CASK: variants seen among roughly 807,000 people sequenced by gnomAD.
CASK encodes peripheral plasma membrane protein CASK.
CASK carries 4 observed loss-of-function variants against 82.9 expected under a neutral mutation model. The observed-to-expected ratio is 0.05, with a 90% CI of 0.02 to 0.11. The LOEUF is 0.11. CASK is among the 10% of genes least tolerant of loss of function. The pLI is 1.00. For missense variants in CASK, 358 were observed against 720.9 expected (o/e 0.50, Z 5.76); for synonymous variants, 259 against 253.5 (o/e 1.02, Z -0.20).
chrX:41,534,356 G>A (rs2064845368), intron 24 of CASK, among the ~76,000 whole-genome samples: 1 of 106,507 alleles, frequency 9.4e-6, no homozygotes, highest in Non-Finnish European at 1.9e-5. Context: ...TAGAAAAATT[G>A]TTACAAACAG....
At chrX:41,571,024 G>A (rs910108841) in intron 15 of CASK, 1 of 111,964 alleles carries the variant, frequency 8.9e-6, no homozygotes, top group South Asian at 3.7e-4. Context: ...CTGCTGAAGT[G>A]AGAACATATT....
At chrX:41,681,679 A>G (rs1161259348) in intron 5 of CASK, among the ~76,000 whole-genome samples, 1 of 111,743 alleles carries the variant, frequency 8.9e-6, no homozygotes, top group Non-Finnish European at 1.9e-5. Flanking sequence ...GAAACAGAGG[A>G]AAGTCATGAC....
chrX:41,896,429 T>C lies in CASK; in HGVS notation c.59+26501A>G, dbSNP rs1029543385. Among the ~76,000 whole-genome samples, 57 of 112,249 alleles carry C rather than the reference T, an allele frequency of 5.1e-4. 1 individual carries two copies. Among genetic ancestry groups the C allele is most frequent in the Non-Finnish European group, 9.2e-4 (49 of 53,158 alleles). ...AAAAAAGAAAATAAGAGAAAACAGA[T>C]AATATAGGGAAAAGACAATGTTAAT... is the stretch of plus-strand genomic sequence containing the variant. On this transcript the variant is annotated intron_variant, in intron 1 of 26. Transcript: ENST00000378163.
chrX:41,750,427 C>T (rs1449928884), intron 3 of CASK, among the ~76,000 whole-genome samples: 1 of 111,504 alleles, frequency 9.0e-6, no homozygotes, highest in African/African-American at 3.3e-5. Flanking sequence ...TCTTGGGGTG[C>T]TTCTGGGGCT....
chrX:41,576,154 T>C (rs186704742), intron 15 of CASK, among the ~76,000 whole-genome samples: 3 of 109,504 alleles, frequency 2.7e-5, no homozygotes, highest in Non-Finnish European at 5.7e-5. Context: ...TTTGTATTTT[T>C]AGTAGAGATG....
chrX:41,635,079 C>T (rs1347960860), intron 9 of CASK, among the ~76,000 whole-genome samples: 8 of 111,954 alleles, frequency 7.1e-5, no homozygotes, highest in Non-Finnish European at 1.5e-4. Context: ...ATGGAAATGT[C>T]CCAAGCTACA....
chrX:41,520,665 C>T, intron 26 of CASK, 69 bp from the exon 27 acceptor site: 1 of 917,075 alleles, frequency 1.1e-6, no homozygotes, highest in Non-Finnish European at 1.6e-6. Flanking sequence ...AGAGAGAAAT[C>T]AGTTGGATTC....
chrX:41,856,430 C>A (rs2071371496), intron 1 of CASK, among the ~76,000 whole-genome samples: 1 of 110,917 alleles, frequency 9.0e-6, no homozygotes, highest in Non-Finnish European at 1.9e-5. Context: ...ACTGTAGAAT[C>A]CCCAAGAAAC....
At chrX:41,666,484 T>A (rs1256055463) in intron 6 of CASK, among the ~76,000 whole-genome samples, 1 of 112,169 alleles carries the variant, frequency 8.9e-6, no homozygotes, top group Non-Finnish European at 1.9e-5. Context: ...ATTTTTAGTT[T>A]GAAGATTGTG....
At chrX:41,825,258 T>C (rs938503183) in intron 2 of CASK, among the ~76,000 whole-genome samples, 8 of 111,565 alleles carry the variant, frequency 7.2e-5, no homozygotes, top group African/African-American at 2.6e-4. Flanking sequence ...ATTAAATTAC[T>C]GTTTGGTTTC....
rs773287578 is a variant in CASK at position 41,735,220 on chromosome X, C to T, written c.429+4164G>A. The stretch of plus-strand genomic sequence containing the variant: ...AAATATTGCAATGCTCTTCTGTTTT[C>T]GTTATTAAATATAAGGAAAGAAAAC... On this transcript the variant is annotated intron_variant, in intron 5 of 26. Transcript: ENST00000378163. Among the ~76,000 whole-genome samples, 12 of 110,875 alleles carry T rather than the reference C, an allele frequency of 1.1e-4. No individual in the cohort carries two copies. The South Asian group carries it at 3.7e-3, about 35-fold the overall frequency.
intron 5 of CASK, among the ~76,000 whole-genome samples, chrX:41,707,002 A>G (rs1335607478): frequency 8.9e-6 from 1 of 112,217 alleles, no homozygotes; most frequent in Non-Finnish European, 1.9e-5. Flanking sequence ...CTAAAGAAAG[A>G]GCCAATTCAC....
Position 41,519,633 on chromosome X carries a change from A to G in CASK, c.*787T>C, listed in dbSNP as rs1052543620. 3 of 111,301 alleles carry G rather than the reference A, an allele frequency of 2.7e-5. No individual in the cohort carries two copies. Among genetic ancestry groups the G allele is most frequent in the African/African-American group, 9.8e-5 (3 of 30,602 alleles). The allele number at this position is 111,301 out of a possible 1,213,427, so 9.2% of individuals were successfully genotyped here. A position where few individuals can be genotyped will look rare whatever the true frequency, so the allele number is the denominator to read the frequency against. The stretch of plus-strand genomic sequence containing the variant: ...GTGCATAGGTTTACAACTTAGTCAT[A>G]ATAGCATTTTATTCTTATTCCCCTG... On this transcript the variant is annotated 3_prime_UTR_variant, in exon 27 of 27. Coordinates refer to ENST00000378163, the MANE Select transcript of CASK (RefSeq NM_001367721.1).
chrX:41,586,887 G>T lies in CASK; in HGVS notation c.1314+20C>A, dbSNP rs775147134. 5.9e-6 allele frequency: 6 copies of T among 1,024,789 alleles called. No individual in the cohort carries two copies. The East Asian group carries it at 1.8e-4, about 31-fold the overall frequency. 84.5% of individuals were successfully genotyped at this position (1,024,789 alleles called of 1,213,427 possible). ...TTGAAAGTGAGGTTTCAGTTCTATG[G>T]AAGTTTAATTATTACTTACCATGAA... is the stretch of plus-strand genomic sequence containing the variant. On this transcript the variant is annotated intron_variant, in intron 14 of 26. Coordinates refer to ENST00000378163, the MANE Select transcript of CASK (RefSeq NM_001367721.1).
intron 3 of CASK, among the ~76,000 whole-genome samples, chrX:41,755,798 GTTTC>G (rs1348899707): frequency 2.7e-5 from 3 of 111,947 alleles, no homozygotes; most frequent in African/African-American, 9.7e-5. Context: ...TTAAAAGAGT[GTTTC>G]TTTAAGAATG....
At chrX:41,773,740 A>G (rs1247186209) in intron 3 of CASK, among the ~76,000 whole-genome samples, 1 of 111,566 alleles carries the variant, frequency 9.0e-6, no homozygotes, top group Non-Finnish European at 1.9e-5. Context: ...ACTGTAATAC[A>G]TATTTGGGTA....
At chrX:41,559,339 C>A (rs1602260523) in intron 18 of CASK, 1 of 130,336 alleles carries the variant, frequency 7.7e-6, no homozygotes, top group East Asian at 1.9e-4. Context: ...AGACCTGTCA[C>A]AATTGTATGA....
At chrX:41,684,881 G>A (rs746720743) in intron 5 of CASK, among the ~76,000 whole-genome samples, 1 of 111,595 alleles carries the variant, frequency 9.0e-6, no homozygotes, top group South Asian at 3.7e-4. Context: ...AATGATATTA[G>A]GTCAACATAA....
At chrX:41,522,521 CA>C (rs2064651907) in intron 26 of CASK, among the ~76,000 whole-genome samples, 1 of 111,615 alleles carries the variant, frequency 9.0e-6, no homozygotes, top group Non-Finnish European at 1.9e-5. Flanking sequence ...CAACACAATG[CA>C]AAAAACGCCA....
Sources: allele counts gnomAD v4.1 joint callset (sites outside exome capture counted in the v4.1 genomes callset), GRCh38; gene constraint gnomAD v4.1.1; transcripts MANE v1.5; gene names NCBI Gene and HGNC (gene_info 2026-07-23, HGNC 2026-07-21).